GJE1: variants seen among roughly 807,000 people sequenced by gnomAD.
GJE1 encodes the protein gap junction epsilon-1 protein.
GJE1 carries 9 observed loss-of-function variants against 6.2 expected under a neutral mutation model. That is an observed-to-expected ratio of 1.45 (90% confidence interval 0.87 to 2.52). The LOEUF is 2.52. GJE1 is among the 30% of genes most tolerant of loss of function. GJE1 has a pLI of 0.00. For synonymous variants in GJE1, 65 were observed against 30.1 expected, an observed-to-expected ratio of 2.16 and a Z score of -3.80; for missense variants, 190 against 87.7, an observed-to-expected ratio of 2.17 and a Z score of -4.66.
At chr6:142,133,246 AT>A (rs1483041761) in intron 1 of GJE1, 49 bp downstream of exon 1, 2 of 606,692 alleles carry the variant, frequency 3.3e-6, no homozygotes, top group Admixed American at 4.9e-5. Context: ...TTTTCTGAGT[AT>A]TTTACCCTGA....
At chr6:142,133,358 G>A (rs980797511) in intron 1 of GJE1, among the ~76,000 whole-genome samples, 161 bp downstream of exon 1, 2 of 152,098 alleles carry the variant, frequency 1.3e-5, no homozygotes, top group African/African-American at 2.4e-5. Flanking sequence ...ACTATAAAGA[G>A]AAAAATTCAG....
chr6:142,133,601 C>G (rs1404279294), intron 1 of GJE1, among the ~76,000 whole-genome samples: 1 of 152,134 alleles, frequency 6.6e-6, no homozygotes, highest in Non-Finnish European at 1.5e-5. Context: ...GAATTCAAAG[C>G]TGTATAAATA....
chr6:142,133,357 AG>A (rs1386141735), intron 1 of GJE1, among the ~76,000 whole-genome samples, 160 bp downstream of exon 1: 1 of 152,182 alleles, frequency 6.6e-6, no homozygotes, highest in African/African-American at 2.4e-5. Context: ...AACTATAAAG[AG>A]AAAAATTCAG....
In GJE1 at chr6:142,134,050, C is replaced by T. The variant is rs1338566405; in HGVS notation, c.234+6C>T. 1.5e-6 allele frequency: 1 copy of T among 665,792 alleles called. No individual in the cohort carries two copies. Among genetic ancestry groups the T allele is most frequent in the East Asian group, 2.7e-5 (1 of 36,624 alleles). 41.2% of individuals were successfully genotyped at this position (665,792 alleles called of 1,614,324 possible). A position where few individuals can be genotyped will look rare whatever the true frequency, so the allele number is the denominator to read the frequency against. ...CTCCACAAGTAAGTTTTTCTGTGTG[C>T]ACATAAACATTAACTCTACAACAAA... On this transcript the variant is annotated splice_donor_region_variant and intron_variant, in intron 2 of 2. Coordinates refer to ENST00000450456, the Ensembl canonical transcript of GJE1.
intron 1 of GJE1, among the ~76,000 whole-genome samples, 162 bp from the exon 2 acceptor site, chr6:142,133,688 C>T (rs979327676): frequency 6.6e-6 from 1 of 152,154 alleles, no homozygotes; most frequent in African/African-American, 2.4e-5. Flanking sequence ...TGAGAAATCT[C>T]ATAATGCAGG....
rs114872837 is a variant in GJE1 at position 142,134,043 on chromosome 6, C to A, written c.233C>A (p.Ser78Tyr). The change falls in exon 2 of 3, where the codon TCT becomes TAT. Residue 78 changes from serine (S) to tyrosine (Y), a missense_variant and splice_region_variant. Ser to Tyr is a moderately radical substitution (Grantham distance 144, BLOSUM62 -2). Coordinates refer to ENST00000450456, the Ensembl canonical transcript of GJE1. Reference sequence around the variant, plus strand: ...CCAATCACTCCACAAGTAAGTTTTTCTGTGTGCACATAAACATTAACTCTA... The same window carrying A: ...CCAATCACTCCACAAGTAAGTTTTTATGTGTGCACATAAACATTAACTCTA... 3,062 of 674,730 alleles carry A rather than the reference C, an allele frequency of 4.5e-3. 77 individuals carry two copies. The African/African-American group carries it at 0.046, about 10-fold the overall frequency. 41.8% of individuals were successfully genotyped at this position (674,730 alleles called of 1,614,324 possible).
chr6:142,133,976 G>A (rs1388774123), exon 2 of GJE1: 1 of 702,488 alleles, frequency 1.4e-6, no homozygotes, highest in African/African-American at 1.7e-5. Flanking sequence ...TTGCGATCCA[G>A]ACAAAAGAGA....
exon 3 of GJE1, chr6:142,134,610 T>C (rs1000306806): frequency 1.5e-6 from 1 of 674,596 alleles, no homozygotes; most frequent in Non-Finnish European, 2.7e-6. Flanking sequence ...AAAGCATCAA[T>C]CAAGAATGCA....
intron 1 of GJE1, 82 bp from the exon 2 acceptor site, chr6:142,133,768 A>C: frequency 1.9e-6 from 1 of 529,466 alleles, no homozygotes; most frequent in East Asian, 2.8e-5. Flanking sequence ...TACATTTTTT[A>C]AATGTGATAT....
exon 3 of GJE1, chr6:142,135,055 C>T (rs1249915926): frequency 4.0e-5 from 17 of 421,240 alleles, no homozygotes; most frequent in Non-Finnish European, 4.6e-5. Flanking sequence ...AAATATAGTG[C>T]CTGGTTGTAA....
exon 2 of GJE1, chr6:142,133,995 T>G: frequency 1.4e-6 from 1 of 702,368 alleles, no homozygotes; most frequent in Non-Finnish European, 2.6e-6. Flanking sequence ...GAAGTAAACC[T>G]CTTCTGTTAC....
At chr6:142,133,275 G>T in intron 1 of GJE1, 78 bp downstream of exon 1, 1 of 541,728 alleles carries the variant, frequency 1.8e-6, no homozygotes, top group South Asian at 2.6e-5. Flanking sequence ...AAGTCTTGGT[G>T]AATAAATTCT....
At chr6:142,133,255 T>C (rs1203791648) in intron 1 of GJE1, 58 bp downstream of exon 1, 1 of 590,538 alleles carries the variant, frequency 1.7e-6, no homozygotes, top group Non-Finnish European at 3.1e-6. Flanking sequence ...TATTTTACCC[T>C]GAATTGCATA....
At chr6:142,133,520 TAA>T (rs1778185046) in intron 1 of GJE1, among the ~76,000 whole-genome samples, 1 of 152,204 alleles carries the variant, frequency 6.6e-6, no homozygotes, top group Non-Finnish European at 1.5e-5. Flanking sequence ...ATTTTTTATC[TAA>T]TTTTCAAAAA....
chr6:142,135,108 C>T, exon 3 of GJE1: 1 of 321,552 alleles, frequency 3.1e-6, no homozygotes, highest in Non-Finnish European at 5.6e-6. Context: ...ATTTTGATCA[C>T]TTTTATTAGA....
chr6:142,135,069 A>T (rs1582864174), exon 3 of GJE1: 2 of 390,240 alleles, frequency 5.1e-6, no homozygotes, highest in East Asian at 7.5e-5. Context: ...GTTGTAAGGT[A>T]AGGATTCTTG....
At chr6:142,134,130 G>T in intron 2 of GJE1, 86 bp downstream of exon 2, 7 of 498,590 alleles carry the variant, frequency 1.4e-5, no homozygotes, top group South Asian at 3.9e-5. Flanking sequence ...TACCCTAACA[G>T]GTTTTTTGTT....
intron 2 of GJE1, 122 bp from the exon 3 acceptor site, chr6:142,134,417 T>G (rs1778208127): frequency 2.2e-6 from 1 of 448,038 alleles, no homozygotes; most frequent in Non-Finnish European, 3.9e-6. Flanking sequence ...AAGATTTTTA[T>G]GAAACTTGGA....
Position 142,133,758 on chromosome 6 carries a change from T to TAA in GJE1, c.40-91_40-90insAA, listed in dbSNP as rs550096055. 77 of 526,302 alleles carry TAA rather than the reference T, an allele frequency of 1.5e-4. No homozygotes were observed. The East Asian group carries it at 1.8e-3, about 12-fold the overall frequency. 32.6% of individuals were successfully genotyped at this position (526,302 alleles called of 1,614,324 possible). On this transcript the variant is annotated intron_variant, in intron 1 of 2. Coordinates refer to ENST00000450456, the Ensembl canonical transcript of GJE1. ...TTTGGCTTCAAAACTTCTTGACTCT[T>TAA]ACATTTTTTAAATGTGATATAAGGA...
Sources: allele counts gnomAD v4.1 joint callset (sites outside exome capture counted in the v4.1 genomes callset), GRCh38; gene constraint gnomAD v4.1.1; transcripts MANE v1.5; gene names NCBI Gene and HGNC (gene_info 2026-07-23, HGNC 2026-07-21).